Variants in ZFYVE16 observed in about 807,000 individuals in gnomAD.
ZFYVE16 encodes zinc finger FYVE-type containing 16.
A neutral mutation model predicts 138.1 loss-of-function variants in ZFYVE16; 89 were observed. The observed-to-expected ratio is 0.64, with a 90% CI of 0.54 to 0.77. The LOEUF is 0.77. Among genes scored for constraint, ZFYVE16 ranks in the 30% least tolerant of loss-of-function variants. The pLI, the probability that ZFYVE16 is intolerant of heterozygous loss-of-function variation, is 0.00. For missense variants in ZFYVE16, 1,793 were observed against 1,786.7 expected (o/e 1.00, Z -0.06); for synonymous variants, 596 against 618.3 (o/e 0.96, Z 0.53).
intron 15 of ZFYVE16, among the ~76,000 whole-genome samples, chr5:80,470,101 A>ACATT (rs1754195885): frequency 9.2e-6 from 1 of 108,564 alleles, no homozygotes; most frequent in Non-Finnish European, 1.7e-5. Context: ...GTGTGTGTGT[A>ACATT]TTTTTTTTTT....
intron 9 of ZFYVE16, 21 bp from the exon 10 acceptor site, chr5:80,450,410 T>G: frequency 6.2e-7 from 1 of 1,607,348 alleles, no homozygotes; most frequent in Non-Finnish European, 8.5e-7. Context: ...CATTAATAGT[T>G]ATATTCTTTT....
intron 16 of ZFYVE16, among the ~76,000 whole-genome samples, chr5:80,473,480 C>T (rs970256162): frequency 6.6e-6 from 1 of 152,018 alleles, no homozygotes; most frequent in Non-Finnish European, 1.5e-5. Flanking sequence ...ATTCATGAGG[C>T]AGCTTTTCTA....
At chr5:80,459,662 T>C (rs1752905061) in intron 15 of ZFYVE16, among the ~76,000 whole-genome samples, 168 bp downstream of exon 15, 2 of 152,244 alleles carry the variant, frequency 1.3e-5, no homozygotes, top group African/African-American at 4.8e-5. Flanking sequence ...ATCTCTCTCT[T>C]CTGCGTCTCC....
rs1338141130 is a variant in ZFYVE16 at position 80,472,860 on chromosome 5, C to G, written c.4124C>G (p.Ala1375Gly). The change falls in exon 16 of 19, where the codon GCA (alanine) becomes GGA (glycine). Residue 1375 changes from alanine (A) to glycine (G), a missense_variant. By Grantham distance (60) the Ala-to-Gly change is moderately conservative. Transcript: ENST00000505560. The stretch of plus-strand genomic sequence containing the variant: ...AAAATTACATGTGGGAAAGTTGATG[C>G]AGTAGACCTGAGAGAATACGTGGAT... ...DFKITCGKVDAVDLREYVDIC... is the reference protein window; with the variant it reads ...DFKITCGKVDGVDLREYVDIC... The G allele has an allele frequency of 6.2e-7, 1 of 1,613,686 alleles. No homozygotes were observed. Among genetic ancestry groups the G allele is most frequent in the Admixed American group, 1.7e-5 (1 of 59,980 alleles).
chr5:80,445,510 G>C, intron 7 of ZFYVE16, 105 bp downstream of exon 7: 1 of 1,034,186 alleles, frequency 9.7e-7, no homozygotes, highest in East Asian at 2.6e-5. Flanking sequence ...AACACTTTGA[G>C]CTTCCTAAAA....
intron 1 of ZFYVE16, among the ~76,000 whole-genome samples, chr5:80,412,061 T>C (rs1178389339): frequency 1.3e-5 from 2 of 152,226 alleles, no homozygotes; most frequent in African/African-American, 4.8e-5. Flanking sequence ...CTGGAGTAGC[T>C]GAGACCACAG....
intron 15 of ZFYVE16, among the ~76,000 whole-genome samples, chr5:80,460,942 C>T: frequency 6.6e-6 from 1 of 152,188 alleles, no homozygotes; most frequent in Non-Finnish European, 1.5e-5. Flanking sequence ...TTTATCCATA[C>T]TCCTTCTACT....
At chr5:80,419,663 C>T (rs1297923578) in intron 1 of ZFYVE16, among the ~76,000 whole-genome samples, 1 of 152,082 alleles carries the variant, frequency 6.6e-6, no homozygotes, top group African/African-American at 2.4e-5. Flanking sequence ...TGGCATGAGC[C>T]ACTGCGCCTG....
chr5:80,467,795 A>T (rs1206351157), intron 15 of ZFYVE16, among the ~76,000 whole-genome samples: 2 of 152,222 alleles, frequency 1.3e-5, no homozygotes, highest in African/African-American at 4.8e-5. Context: ...GGAAACAAAG[A>T]CATTACACTT....
In ZFYVE16 at chr5:80,449,841, C is replaced by T. The variant is rs71636229; in HGVS notation, c.3226+128C>T. The T allele has an allele frequency of 8.8e-3, 9,174 of 1,044,778 alleles. 45 individuals carry two copies. The highest frequency in any genetic ancestry group is 0.011 in the Non-Finnish European group (8,198 of 747,696). 64.7% of individuals were successfully genotyped at this position (1,044,778 alleles called of 1,614,324 possible). A position where few individuals can be genotyped will look rare whatever the true frequency, so the allele number is the denominator to read the frequency against. On this transcript the variant is annotated intron_variant, in intron 9 of 18. Transcript: ENST00000505560. ...GGATTGGATATTGGTTTTTCAGCCA[C>T]ATATGACTGTAAATAAATTTTGCAA...
chr5:80,448,484 T>A, intron 8 of ZFYVE16, 80 bp downstream of exon 8: 2 of 1,311,286 alleles, frequency 1.5e-6, no homozygotes, highest in South Asian at 4.5e-5. Flanking sequence ...TGAAATGTAT[T>A]TTTTTAACTT....
rs1333065619 is a variant in ZFYVE16 at position 80,479,997 on chromosome 5, C to A, written c.*2620C>A. 2.0e-5 allele frequency among the ~76,000 whole-genome samples: 3 copies of A among 152,146 alleles called. No homozygotes were observed. Among genetic ancestry groups the A allele is most frequent in the African/African-American group, 7.2e-5 (3 of 41,430 alleles). Reference sequence around the variant, plus strand: ...TTAAGGTGTTCCCACACTAGTAATGCCTCCAGGTGACAGAGAAAATAAAAT... The same window carrying A: ...TTAAGGTGTTCCCACACTAGTAATGACTCCAGGTGACAGAGAAAATAAAAT... On this transcript the variant is annotated 3_prime_UTR_variant, in exon 19 of 19. Transcript: ENST00000505560.
At chr5:80,442,069 T>G in intron 5 of ZFYVE16, 1 of 397,258 alleles carries the variant, frequency 2.5e-6, no homozygotes, top group Non-Finnish European at 3.4e-6. Flanking sequence ...TTAAAAAGTG[T>G]AAGAGTGATA....
At chr5:80,426,499 A>C (rs547967651) in intron 1 of ZFYVE16, among the ~76,000 whole-genome samples, 72 of 125,380 alleles carry the variant, frequency 5.7e-4, no homozygotes, top group Admixed American at 8.2e-4. Context: ...CCCTGTGTCC[A>C]CGTGTTCTCA....
chr5:80,416,435 T>C (rs3096108), intron 1 of ZFYVE16, among the ~76,000 whole-genome samples: 117,557 of 151,090 alleles, frequency 0.78, 48,807 homozygotes, highest in East Asian at 0.92. Flanking sequence ...TTTGTGTTTT[T>C]AGTAGAGATG....
Position 80,437,829 on chromosome 5 carries a change from G to C in ZFYVE16, c.1144G>C (p.Gly382Arg), listed in dbSNP as rs764061421. 1.2e-6 allele frequency: 2 copies of C among 1,613,910 alleles called. No individual in the cohort carries two copies. Among genetic ancestry groups the C allele is most frequent in the East Asian group, 2.2e-5 (1 of 44,892 alleles). The change falls in exon 4 of 19, where the codon GGG becomes CGG. Residue 382 changes from glycine to arginine, a missense_variant. By Grantham distance (125) the Gly-to-Arg change is moderately radical. This residue lies in a region of ZFYVE16 where 1,295 missense variants were observed against 1,204.3 expected (regional missense o/e 1.08). Coordinates refer to ENST00000505560, the MANE Select transcript of ZFYVE16 (RefSeq NM_001284236.3). ...PSSLSCLPAS[G>R]SMCGSLIESK... ...CTCATTGTCCTGTCTTCCTGCGTCT[G>C]GGTCTATGTGTGGATCATTAATTGA...
chr5:80,441,808 G>C (rs1215462833), intron 5 of ZFYVE16: 1 of 985,300 alleles, frequency 1.0e-6, no homozygotes, highest in Non-Finnish European at 1.2e-6. Context: ...AGTGGCACTT[G>C]AGGAAGATTG....
intron 1 of ZFYVE16, among the ~76,000 whole-genome samples, chr5:80,414,970 C>T (rs148253495): frequency 6.6e-6 from 1 of 152,220 alleles, no homozygotes; most frequent in African/African-American, 2.4e-5. Context: ...TGTGTTGGGC[C>T]CCAAATGGGC....
chr5:80,458,992 G>A (rs967043878), intron 14 of ZFYVE16, among the ~76,000 whole-genome samples: 14 of 152,134 alleles, frequency 9.2e-5, no homozygotes, highest in East Asian at 1.9e-4. Context: ...GTGCAGTGGC[G>A]CGATCTTGGC....
Sources: gnomAD v4.1 joint callset for allele counts (sites outside exome capture counted in the v4.1 genomes callset) on GRCh38, gnomAD v4.1.1 for gene constraint, gnomAD v4.1.1 regional missense constraint, MANE v1.5 for transcripts, NCBI Gene and HGNC (gene_info 2026-07-23, HGNC 2026-07-21) for gene names.